The following CSGALNACT1 variants were observed in gnomAD, a reference collection of about 807,000 sequenced individuals.
CSGALNACT1 encodes the protein chondroitin sulfate N-acetylgalactosaminyltransferase 1, also known as beta4GalNAcT-1.
Under a neutral mutation model 51.0 loss-of-function variants are expected in CSGALNACT1, and 52 were observed. The observed-to-expected ratio is 1.02, with a 90% CI of 0.82 to 1.29. The LOEUF is 1.29. CSGALNACT1 is among the 50% of genes most tolerant of loss of function. CSGALNACT1 has a pLI of 0.00. For missense variants in CSGALNACT1, 935 were observed against 679.2 expected, an observed-to-expected ratio of 1.38 and a Z score of -4.19; for synonymous variants, 341 against 254.4, an observed-to-expected ratio of 1.34 and a Z score of -3.24.
At position 19,460,075 on chromosome 8, in the gene CSGALNACT1, G is replaced by T. The variant is rs566668416; in HGVS notation, c.635-1433C>A. The stretch of plus-strand genomic sequence containing the variant: ...TTCCTTCCACTGTCTCTGGTATTAT[G>T]AATGTTTTCTCTACAGTCAGGAAAC... On this transcript the variant is annotated intron_variant, in intron 4 of 9. Coordinates refer to ENST00000454498, the Ensembl canonical transcript of CSGALNACT1. Among the ~76,000 whole-genome samples, 9 of 152,216 alleles carry T rather than the reference G, an allele frequency of 5.9e-5. No homozygotes were observed. In the East Asian group the frequency reaches 1.7e-3, roughly 29 times the overall value.
intron 2 of CSGALNACT1, among the ~76,000 whole-genome samples, chr8:19,595,010 A>G (rs1253534935): frequency 6.6e-6 from 1 of 152,198 alleles, no homozygotes; most frequent in African/African-American, 2.4e-5. Context: ...TTTTTATCGT[A>G]TATGAGATTT....
At chr8:19,739,016 G>A (rs965877667) in intron 1 of CSGALNACT1, among the ~76,000 whole-genome samples, 19 of 151,966 alleles carry the variant, frequency 1.3e-4, no homozygotes, top group African/African-American at 4.6e-4. Flanking sequence ...TTGAGATAAG[G>A]ACAATTTAAA....
At chr8:19,707,937 G>A (rs2062272907) in intron 1 of CSGALNACT1, among the ~76,000 whole-genome samples, 1 of 152,202 alleles carries the variant, frequency 6.6e-6, no homozygotes, top group Admixed American at 6.5e-5. Flanking sequence ...AGGAGGGGGA[G>A]GCAGAGGTTG....
chr8:19,488,361 TTATATATACATA>T (rs2073513893), intron 4 of CSGALNACT1, among the ~76,000 whole-genome samples: 4 of 89,834 alleles, frequency 4.5e-5, no homozygotes, highest in Admixed American at 1.5e-4. Context: ...TTATATATAT[TTATATATACATA>T]TATATATATA....
At chr8:19,619,257 G>T (rs1308549601) in intron 1 of CSGALNACT1, among the ~76,000 whole-genome samples, 1 of 131,512 alleles carries the variant, frequency 7.6e-6, no homozygotes, top group Non-Finnish European at 1.6e-5. Flanking sequence ...TCGGGGGGGG[G>T]TGGGCCTTGA....
chr8:19,625,789 G>T (rs1490792594), intron 1 of CSGALNACT1, among the ~76,000 whole-genome samples: 1 of 152,206 alleles, frequency 6.6e-6, no homozygotes, highest in Non-Finnish European at 1.5e-5. Context: ...AGAACAAGGA[G>T]TTTGAGGCTG....
At chr8:19,501,282 G>A (rs967071889) in intron 4 of CSGALNACT1, among the ~76,000 whole-genome samples, 6 of 148,834 alleles carry the variant, frequency 4.0e-5, no homozygotes, top group South Asian at 4.3e-4. Flanking sequence ...ATAAGGGCAA[G>A]CTAGCAAATG....
chr8:19,525,645 A>AAAG, intron 3 of CSGALNACT1, among the ~76,000 whole-genome samples: 1 of 150,100 alleles, frequency 6.7e-6, no homozygotes, highest in Non-Finnish European at 1.5e-5. Flanking sequence ...AAAAAAAAAA[A>AAAG]AAAAGTAGAG....
At chr8:19,440,732 A>G (rs906905709) in intron 5 of CSGALNACT1, among the ~76,000 whole-genome samples, 3 of 151,796 alleles carry the variant, frequency 2.0e-5, no homozygotes, top group Non-Finnish European at 2.9e-5. Flanking sequence ...ATTAGGCAGG[A>G]GAAGGAAATA....
chr8:19,531,505 C>T (rs1457187283), intron 3 of CSGALNACT1, among the ~76,000 whole-genome samples: 1 of 152,188 alleles, frequency 6.6e-6, no homozygotes, highest in Non-Finnish European at 1.5e-5. Context: ...TCAAAATTTA[C>T]AATGCAATGG....
intron 1 of CSGALNACT1, among the ~76,000 whole-genome samples, chr8:19,739,541 C>T (rs2064183033): frequency 6.6e-6 from 1 of 152,158 alleles, no homozygotes; most frequent in Non-Finnish European, 1.5e-5. Context: ...TTTATATTTC[C>T]TGGCTTCTCT....
intron 4 of CSGALNACT1, among the ~76,000 whole-genome samples, chr8:19,459,322 G>A (rs2064843270): frequency 6.7e-6 from 1 of 148,826 alleles, no homozygotes; most frequent in African/African-American, 2.5e-5. Flanking sequence ...GGCAGAGGTT[G>A]GAGTGAGCCA....
chr8:19,670,118 G>A (rs1317224050), intron 1 of CSGALNACT1, among the ~76,000 whole-genome samples: 2 of 152,282 alleles, frequency 1.3e-5, no homozygotes, highest in South Asian at 4.1e-4. Flanking sequence ...CAGATCGCAT[G>A]CAACTTCTTC....
At chr8:19,651,651 A>G (rs2057814165) in intron 1 of CSGALNACT1, among the ~76,000 whole-genome samples, 1 of 151,664 alleles carries the variant, frequency 6.6e-6, no homozygotes, top group African/African-American at 2.4e-5. Flanking sequence ...CATTTTCTTT[A>G]TCTAGTCCAC....
intron 4 of CSGALNACT1, among the ~76,000 whole-genome samples, chr8:19,465,493 G>C (rs1199612147): frequency 6.6e-6 from 1 of 152,176 alleles, no homozygotes; most frequent in Non-Finnish European, 1.5e-5. Flanking sequence ...GCTTTAAATG[G>C]TGAATGCTAT....
intron 8 of CSGALNACT1, among the ~76,000 whole-genome samples, chr8:19,411,148 C>G (rs537979284): frequency 6.6e-6 from 1 of 152,348 alleles, no homozygotes; most frequent in African/African-American, 2.4e-5. Flanking sequence ...TTTCCCCACA[C>G]ACCACTAAGC....
intron 3 of CSGALNACT1, among the ~76,000 whole-genome samples, chr8:19,532,710 A>G (rs2083004368): frequency 1.3e-5 from 2 of 152,186 alleles, no homozygotes; most frequent in African/African-American, 4.8e-5. Flanking sequence ...AGGTGCCTGA[A>G]GAGGTAGTGA....
At chr8:19,517,989 G>A (rs1171314569) in intron 3 of CSGALNACT1, among the ~76,000 whole-genome samples, 1 of 152,160 alleles carries the variant, frequency 6.6e-6, no homozygotes, top group Non-Finnish European at 1.5e-5. Context: ...ACCAGCCCTG[G>A]CACTGGGGAG....
At chr8:19,753,511 G>T (rs1037431503) in intron 1 of CSGALNACT1, among the ~76,000 whole-genome samples, 2 of 152,130 alleles carry the variant, frequency 1.3e-5, no homozygotes, top group Non-Finnish European at 2.9e-5. Flanking sequence ...TTTCTCTGTT[G>T]CTAGTTTTTG....
Sources: allele counts gnomAD v4.1 joint callset (sites outside exome capture counted in the v4.1 genomes callset), GRCh38; gene constraint gnomAD v4.1.1; transcripts MANE v1.5; gene names NCBI Gene and HGNC (gene_info 2026-07-23, HGNC 2026-07-21).